The following GNA14 variants were observed in gnomAD, a reference collection of about 807,000 sequenced individuals.
GNA14 encodes guanine nucleotide-binding protein subunit alpha-14.
GNA14 carries 50 observed loss-of-function variants against 42.0 expected under a neutral mutation model. The ratio of observed to expected loss-of-function variants is 1.19; its 90% CI spans 0.95 to 1.51. The LOEUF (loss-of-function observed/expected upper bound fraction) is 1.51, where lower values mean the gene tolerates loss of function less well. GNA14 is among the 40% of genes most tolerant of loss of function. The pLI, the probability that GNA14 is intolerant of heterozygous loss-of-function variation, is 0.00. For missense variants in GNA14, 473 were observed against 446.2 expected (o/e 1.06, Z -0.54); for synonymous variants, 173 against 163.1 (o/e 1.06, Z -0.46).
intron 2 of GNA14, among the ~76,000 whole-genome samples, chr9:77,476,940 A>C (rs1836437396): frequency 2.0e-5 from 3 of 152,218 alleles, no homozygotes; most frequent in Non-Finnish European, 2.9e-5. Flanking sequence ...GAAAGACTGC[A>C]TGAGTAACAG....
chr9:77,609,545 T>A (rs1176984453), intron 1 of GNA14, among the ~76,000 whole-genome samples: 1 of 152,160 alleles, frequency 6.6e-6, no homozygotes, highest in African/African-American at 2.4e-5. Flanking sequence ...CAGCACACCA[T>A]CCTTGGTACC....
intron 1 of GNA14, among the ~76,000 whole-genome samples, chr9:77,602,140 G>T (rs1442089609): frequency 1.3e-5 from 2 of 152,156 alleles, no homozygotes; most frequent in African/African-American, 4.8e-5. Context: ...CACCATGAAT[G>T]ATATTGCCAG....
chr9:77,507,153 T>G (rs1837085167), intron 2 of GNA14, among the ~76,000 whole-genome samples: 1 of 152,214 alleles, frequency 6.6e-6, no homozygotes, highest in East Asian at 1.9e-4. Flanking sequence ...TTTAGGACAC[T>G]AATTTCAACA....
intron 2 of GNA14, among the ~76,000 whole-genome samples, chr9:77,486,356 A>G (rs1409470259): frequency 6.6e-6 from 1 of 152,198 alleles, no homozygotes; most frequent in Non-Finnish European, 1.5e-5. Context: ...CTCTGGATTC[A>G]ATTTTGGCCA....
chr9:77,537,280 C>G (rs1837609545), intron 1 of GNA14, among the ~76,000 whole-genome samples: 1 of 152,156 alleles, frequency 6.6e-6, no homozygotes, highest in Admixed American at 6.5e-5. Context: ...CTATTCTCGG[C>G]TCCACAAGAC....
intron 1 of GNA14, among the ~76,000 whole-genome samples, chr9:77,563,441 C>T (rs62573418): frequency 0.034 from 5,216 of 152,176 alleles, 180 homozygotes; most frequent in African/African-American, 0.092. Context: ...TCTTGCCAAA[C>T]ACTGATTTGT....
chr9:77,487,118 GCTA>G lies in GNA14; in HGVS notation c.309+41948_309+41950del, dbSNP rs1157674058. Among the ~76,000 whole-genome samples the G allele has an allele frequency of 1.2e-4, 18 of 152,036 alleles. 1 individual carries two copies. Among genetic ancestry groups the G allele is most frequent in the Non-Finnish European group, 2.1e-4 (14 of 68,020 alleles). Reference sequence around the variant, plus strand: ...GTTTTTTCATCTGATGACTGAAACAGCTACTAAGTGACTAGTAGGCAGAGAGCA... The same window carrying G: ...GTTTTTTCATCTGATGACTGAAACAGCTAAGTGACTAGTAGGCAGAGAGCA... On this transcript the variant is annotated intron_variant, in intron 2 of 6. Transcript: ENST00000341700.
At chr9:77,516,853 C>G (rs1837267221) in intron 2 of GNA14, among the ~76,000 whole-genome samples, 1 of 152,164 alleles carries the variant, frequency 6.6e-6, no homozygotes, top group Admixed American at 6.5e-5. Context: ...TATATAAAAT[C>G]AAAACATCTC....
In GNA14 at chr9:77,431,436, T is replaced by C; in HGVS notation, c.478A>G (p.Ile160Val). The change falls in exon 4 of 7, where the codon ATT becomes GTT. Residue 160 changes from isoleucine to valine, a missense_variant. Coordinates refer to ENST00000341700, the MANE Select transcript of GNA14 (RefSeq NM_004297.4). ...AATGATGGTGTGGCGATGCGGTCAA[T>C]GTCAGTCAGGTAACTGTATATTAGA... ...SDSAKYYLTD[I>V]DRIATPSFVP... 1 of 1,613,430 alleles carries C rather than the reference T, an allele frequency of 6.2e-7. No homozygotes were observed. The highest frequency in any genetic ancestry group is 1.1e-5 in the South Asian group (1 of 90,968).
In GNA14 at chr9:77,479,772, T is replaced by C. The variant is rs566913702; in HGVS notation, c.310-45250A>G. On this transcript the variant is annotated intron_variant, in intron 2 of 6. Coordinates refer to ENST00000341700, the MANE Select transcript of GNA14 (RefSeq NM_004297.4). Reference sequence around the variant, plus strand: ...CCTTGAAGATGTCCTTCACATCCCTTGTAAGTTGGATTCCTAGGTATTTTA... The same window carrying C: ...CCTTGAAGATGTCCTTCACATCCCTCGTAAGTTGGATTCCTAGGTATTTTA... Among the ~76,000 whole-genome samples, 164 of 152,314 alleles carry C rather than the reference T, an allele frequency of 1.1e-3. 1 individual carries two copies. The highest frequency in any genetic ancestry group is 3.4e-3 in the Middle Eastern group (1 of 294).
In GNA14 at chr9:77,572,348, T is replaced by G. The variant is rs73651544; in HGVS notation, c.125-43095A>C. 4.0e-3 allele frequency among the ~76,000 whole-genome samples: 614 copies of G among 152,298 alleles called. 2 individuals are homozygous for G. Among genetic ancestry groups the G allele is most frequent in the African/African-American group, 0.013 (556 of 41,568 alleles). ...CTGAGAAATAATATCCAAAAACTTA[T>G]CCAGACAAATCTTCCATTCTTCCTT... On this transcript the variant is annotated intron_variant, in intron 1 of 6. Coordinates refer to ENST00000341700, the MANE Select transcript of GNA14 (RefSeq NM_004297.4).
At chr9:77,612,346 A>G (rs1823747759) in intron 1 of GNA14, among the ~76,000 whole-genome samples, 1 of 152,154 alleles carries the variant, frequency 6.6e-6, no homozygotes, top group South Asian at 2.1e-4. Context: ...AGGCATGGGA[A>G]AAGTTCTCCT....
chr9:77,470,281 C>T (rs1293332995), intron 2 of GNA14, among the ~76,000 whole-genome samples: 1 of 152,050 alleles, frequency 6.6e-6, no homozygotes, highest in Non-Finnish European at 1.5e-5. Flanking sequence ...CAGGTCATAC[C>T]AGGAAAAGCA....
chr9:77,615,088 A>G (rs1823789222), intron 1 of GNA14, among the ~76,000 whole-genome samples: 1 of 152,212 alleles, frequency 6.6e-6, no homozygotes, highest in Non-Finnish European at 1.5e-5. Context: ...ACAGAGAGAA[A>G]GTTCTCCATT....
Position 77,440,372 on chromosome 9 carries a change from G to A in GNA14, c.310-5850C>T, listed in dbSNP as rs547769362. Among the ~76,000 whole-genome samples the A allele has an allele frequency of 7.2e-5, 11 of 152,278 alleles. No individual in the cohort carries two copies. The East Asian group carries it at 1.7e-3, about 24-fold the overall frequency. ...GACCCAGAGCCCAGCGGGCAGCCCC[G>A]TCTCCACCAGATCCTCCCCACGGGG... On this transcript the variant is annotated intron_variant, in intron 2 of 6. Coordinates refer to ENST00000341700, the MANE Select transcript of GNA14 (RefSeq NM_004297.4).
At chr9:77,464,331 ATGTGTG>A (rs754670266) in intron 2 of GNA14, among the ~76,000 whole-genome samples, 7 of 142,844 alleles carry the variant, frequency 4.9e-5, no homozygotes, top group Admixed American at 4.2e-4. Flanking sequence ...GTGTATATAT[ATGTGTG>A]TGTGTGTGTG....
chr9:77,441,132 G>A (rs10441786), intron 2 of GNA14, among the ~76,000 whole-genome samples: 18,806 of 152,146 alleles, frequency 0.12, 1,248 homozygotes, highest in Middle Eastern at 0.17. Flanking sequence ...ATTTGCTAAC[G>A]TATTGATATG....
At chr9:77,533,483 C>T (rs1343223937) in intron 1 of GNA14, among the ~76,000 whole-genome samples, 2 of 152,182 alleles carry the variant, frequency 1.3e-5, no homozygotes, top group African/African-American at 2.4e-5. Context: ...GCTGGCCTGG[C>T]GCCTGATATA....
chr9:77,628,686 T>C (rs925102214), intron 1 of GNA14, among the ~76,000 whole-genome samples: 1 of 152,200 alleles, frequency 6.6e-6, no homozygotes, highest in Non-Finnish European at 1.5e-5. Context: ...GCTAGCCATA[T>C]GCAGAAAACT....
Sources: allele counts gnomAD v4.1 joint callset (sites outside exome capture counted in the v4.1 genomes callset), GRCh38; gene constraint gnomAD v4.1.1; transcripts MANE v1.5; gene names NCBI Gene and HGNC (gene_info 2026-07-23, HGNC 2026-07-21).